Variants in PJA2 observed in about 807,000 individuals in gnomAD.
PJA2 encodes the protein E3 ubiquitin-protein ligase Praja-2.
A neutral mutation model predicts 69.3 loss-of-function variants in PJA2; 25 were observed. The ratio of observed to expected loss-of-function variants is 0.36; its 90% CI spans 0.26 to 0.50. PJA2 has a LOEUF of 0.50. Ranked by LOEUF, PJA2 falls within the 20% of genes least tolerant of loss-of-function variation. The pLI is 0.96. For synonymous variants in PJA2, 308 were observed against 277.8 expected, an observed-to-expected ratio of 1.11 and a Z score of -1.08; for missense variants, 809 against 830.2, an observed-to-expected ratio of 0.97 and a Z score of 0.31.
Position 109,335,898 on chromosome 5 carries a change from G to A in PJA2, c.*1333C>T, listed in dbSNP as rs1043738789. Reference sequence around the variant, plus strand: ...CCCATAAAAGGATACACAGTATTTTGCTGTAAATACCAGACACATTTACAA... The same window carrying A: ...CCCATAAAAGGATACACAGTATTTTACTGTAAATACCAGACACATTTACAA... On this transcript the variant is annotated 3_prime_UTR_variant, in exon 10 of 10. Transcript: ENST00000361189. The A allele has an allele frequency of 2.0e-5, 3 of 152,524 alleles. No homozygotes were observed. The highest frequency in any genetic ancestry group is 4.8e-5 in the African/African-American group (2 of 41,398). 9.4% of individuals were successfully genotyped at this position (152,524 alleles called of 1,614,324 possible).
rs1561345731 is a variant in PJA2 at position 109,354,091 on chromosome 5, TATCTA to T, written c.1764+1819_1764+1823del. On this transcript the variant is annotated intron_variant, in intron 7 of 9. Transcript: ENST00000361189. ...GAGATATCTATAGATTAGATATCTA[TATCTA>T]GAGATATCTATAGATTAGATATCTA... 6.7e-3 allele frequency among the ~76,000 whole-genome samples: 851 copies of T among 126,736 alleles called. 85 individuals carry two copies. The highest frequency in any genetic ancestry group is 0.024 in the African/African-American group (773 of 32,738). The allele number at this position is 126,736 out of a possible 152,430, so 83.1% of individuals were successfully genotyped here.
intron 6 of PJA2, among the ~76,000 whole-genome samples, chr5:109,361,575 C>G (rs1762506200): frequency 6.6e-6 from 1 of 152,108 alleles, no homozygotes; most frequent in Non-Finnish European, 1.5e-5. Flanking sequence ...CAGAAGACTT[C>G]TGAATTAATA....
At chr5:109,346,019 C>G (rs535944357) in intron 7 of PJA2, among the ~76,000 whole-genome samples, 1 of 152,318 alleles carries the variant, frequency 6.6e-6, no homozygotes, top group Non-Finnish European at 1.5e-5. Context: ...CTTCCCCTGC[C>G]TGGTGCTTTC....
At chr5:109,395,924 C>T (rs939261922) in intron 1 of PJA2, among the ~76,000 whole-genome samples, 3 of 149,828 alleles carry the variant, frequency 2.0e-5, no homozygotes, top group African/African-American at 7.3e-5. Context: ...CACTTGAACC[C>T]GGGAGGCAGA....
chr5:109,401,191 T>A (rs1230684128), intron 1 of PJA2, among the ~76,000 whole-genome samples: 1 of 148,876 alleles, frequency 6.7e-6, no homozygotes, highest in Non-Finnish European at 1.5e-5. Context: ...GACTGAGGCA[T>A]GAGAATCACT....
At chr5:109,398,343 A>G (rs1231310576) in intron 1 of PJA2, among the ~76,000 whole-genome samples, 1 of 152,156 alleles carries the variant, frequency 6.6e-6, no homozygotes, top group East Asian at 1.9e-4. Context: ...TTACTGCGGC[A>G]CTATTCACAA....
At chr5:109,341,164 C>T (rs1371125456) in intron 9 of PJA2, among the ~76,000 whole-genome samples, 38 of 110,152 alleles carry the variant, frequency 3.4e-4, no homozygotes, top group African/African-American at 6.7e-4. Context: ...GGAGCGTCTC[C>T]GCCCGGCCGC....
chr5:109,401,250 C>A (rs1324201580), intron 1 of PJA2, among the ~76,000 whole-genome samples: 2 of 152,136 alleles, frequency 1.3e-5, no homozygotes, highest in African/African-American at 4.8e-5. Context: ...CGCCATTGCA[C>A]TCCAACCTGG....
At chr5:109,373,469 T>G (rs1197898356) in intron 4 of PJA2, among the ~76,000 whole-genome samples, 1 of 152,192 alleles carries the variant, frequency 6.6e-6, no homozygotes, top group Non-Finnish European at 1.5e-5. Flanking sequence ...TTACATATTT[T>G]TAACTTCTAC....
chr5:109,396,588 C>T lies in PJA2; in HGVS notation c.-87-13068G>A, dbSNP rs139614607. On this transcript the variant is annotated intron_variant, in intron 1 of 9. Transcript: ENST00000361189. ...ATTACAGGCATGCGCCACCACGTCC[C>T]GCTAAATTTTGTATTTTTAGTAGAG... Among the ~76,000 whole-genome samples, 423 of 150,974 alleles carry T rather than the reference C, an allele frequency of 2.8e-3. 2 individuals carry two copies. Among genetic ancestry groups the T allele is most frequent in the African/African-American group, 8.6e-3 (355 of 41,254 alleles).
intron 7 of PJA2, among the ~76,000 whole-genome samples, chr5:109,354,358 T>TCTG (rs1554053637): frequency 4.4e-5 from 5 of 112,700 alleles, no homozygotes; most frequent in Non-Finnish European, 9.2e-5. Flanking sequence ...ATTGGATATC[T>TCTG]ATATCTAGAG....
chr5:109,367,117 G>A (rs1331320552), intron 5 of PJA2, among the ~76,000 whole-genome samples: 1 of 143,600 alleles, frequency 7.0e-6, no homozygotes. Flanking sequence ...GGGCAACAGA[G>A]AGCAAGACTC....
chr5:109,380,046 T>C (rs1747003409), intron 3 of PJA2, among the ~76,000 whole-genome samples: 2 of 150,958 alleles, frequency 1.3e-5, no homozygotes, highest in Middle Eastern at 3.4e-3. Flanking sequence ...GGCCATGATA[T>C]ATGGTACGAA....
chr5:109,392,329 G>A (rs1329012952), intron 1 of PJA2, among the ~76,000 whole-genome samples: 1 of 123,648 alleles, frequency 8.1e-6, no homozygotes, highest in Non-Finnish European at 2.0e-5. Context: ...GGGAAGCCGA[G>A]GCGGGTGGAT....
chr5:109,355,948 C>T lies in PJA2; in HGVS notation c.1731G>A (p.Met577Ile). ...SYVDPQFLTY[M>I]ALEERLAQAM... The stretch of plus-strand genomic sequence containing the variant: ...CCTGGGCTAAGCGTTCTTCTAGTGC[C>T]ATGTAGGTAAGGAACTGAGGATCCA... The change falls in exon 7 of 10, where the codon ATG becomes ATA. Residue 577 changes from methionine to isoleucine, a missense_variant. Physicochemically the swap from Met to Ile is conservative, Grantham distance 10 (BLOSUM62 1). Around this residue, in one of 4 missense-constraint regions of PJA2, gnomAD observed 55 missense variants for 90.7 expected, o/e 0.61. Coordinates refer to ENST00000361189, the MANE Select transcript of PJA2 (RefSeq NM_014819.5). The T allele has an allele frequency of 6.2e-7, 1 of 1,613,446 alleles. No homozygotes were observed. Among genetic ancestry groups the T allele is most frequent in the South Asian group, 1.1e-5 (1 of 91,060 alleles).
At chr5:109,367,128 C>T (rs1414263147) in intron 5 of PJA2, among the ~76,000 whole-genome samples, 1 of 126,384 alleles carries the variant, frequency 7.9e-6, no homozygotes, top group Non-Finnish European at 1.6e-5. Flanking sequence ...AGCAAGACTC[C>T]GTCTCAAAAA....
intron 7 of PJA2, among the ~76,000 whole-genome samples, chr5:109,349,462 T>A (rs527296209): frequency 1.6e-4 from 24 of 152,218 alleles, no homozygotes; most frequent in African/African-American, 5.8e-4. Context: ...GCACACAGCT[T>A]CTCTAGCAGC....
rs1762088274 is a variant in PJA2 at position 109,342,461 on chromosome 5, C to T, written c.2001+1729G>A. Among the ~76,000 whole-genome samples, 4 of 138,200 alleles carry T rather than the reference C, an allele frequency of 2.9e-5. No homozygotes were observed. In the South Asian group the frequency reaches 9.1e-4, roughly 32 times the overall value. 90.7% of individuals were successfully genotyped at this position (138,200 alleles called of 152,430 possible). On this transcript the variant is annotated intron_variant, in intron 9 of 9. Coordinates refer to ENST00000361189, the MANE Select transcript of PJA2 (RefSeq NM_014819.5). ...CCCCCCGCCCGGCCAGCCGCCCCGT[C>T]CGGGAGGGAGGTGGGGGGGTCAGCC...
chr5:109,406,295 C>A (rs1373532349), intron 1 of PJA2, among the ~76,000 whole-genome samples: 1 of 152,194 alleles, frequency 6.6e-6, no homozygotes, highest in Non-Finnish European at 1.5e-5. Flanking sequence ...CTGCCTCGGA[C>A]TCCCAAAGTG....
Sources: allele counts gnomAD v4.1 joint callset (sites outside exome capture counted in the v4.1 genomes callset), GRCh38; gene constraint gnomAD v4.1.1; regional missense constraint gnomAD v4.1.1; transcripts MANE v1.5; gene names NCBI Gene and HGNC (gene_info 2026-07-23, HGNC 2026-07-21).